MRO: variants seen among roughly 807,000 people sequenced by gnomAD.
MRO encodes protein maestro.
Under a neutral mutation model 31.0 loss-of-function variants are expected in MRO, and 28 were observed. The ratio of observed to expected loss-of-function variants is 0.90; its 90% CI spans 0.67 to 1.24. The LOEUF (loss-of-function observed/expected upper bound fraction) is 1.24. Among genes scored for constraint, MRO ranks in the 50% most tolerant of loss-of-function variants. The pLI is 0.00. For synonymous variants in MRO, 108 were observed against 108.4 expected, an observed-to-expected ratio of 1.00 and a Z score of 0.02; for missense variants, 332 against 289.2, an observed-to-expected ratio of 1.15 and a Z score of -1.07.
chr18:50,815,211 A>T, intron 2 of MRO: 1 of 200,214 alleles, frequency 5.0e-6, no homozygotes, highest in Non-Finnish European at 1.1e-5. Flanking sequence ...ATTGTGAAGT[A>T]AAAAGTGTCC....
intron 6 of MRO, among the ~76,000 whole-genome samples, chr18:50,801,121 C>T (rs535733639): frequency 2.6e-5 from 4 of 152,270 alleles, no homozygotes; most frequent in African/African-American, 9.6e-5. Context: ...GCTTATCTTG[C>T]ATTGACAGGT....
At chr18:50,815,423 T>C (rs745922763) in intron 2 of MRO, 2 of 246,474 alleles carry the variant, frequency 8.1e-6, no homozygotes, top group Non-Finnish European at 1.6e-5. Flanking sequence ...TAGAATGGAT[T>C]TGGAGGTGAT....
chr18:50,806,850 C>A lies in MRO; in HGVS notation c.100G>T (p.Val34Phe). 3 of 1,614,048 alleles carry A rather than the reference C, an allele frequency of 1.9e-6. No homozygotes were observed. The highest frequency in any genetic ancestry group is 1.3e-5 in the African/African-American group (1 of 75,020). Reference sequence around the variant, plus strand: ...TTCTGGAACCTCAGTTTCCAAGAGACCTGGGTGATGGGTCAAAAATGTATT... The same window carrying A: ...TTCTGGAACCTCAGTTTCCAAGAGAACTGGGTGATGGGTCAAAAATGTATT... ...RTSMISFFSK[V>F]SWKLRFQKRE... Residue 34 changes from valine to phenylalanine, a missense_variant and splice_region_variant, in exon 4 of 8, where the codon GTC becomes TTC. Transcript: ENST00000398439.
intron 2 of MRO, 113 bp from the exon 3 acceptor site, chr18:50,809,517 G>T: frequency 1.5e-6 from 1 of 661,092 alleles, no homozygotes; most frequent in Non-Finnish European, 2.5e-6. Flanking sequence ...CAATCCTGAG[G>T]CCTGTCTTTA....
rs558351698 is a variant in MRO at position 50,813,570 on chromosome 18, A to T, written c.-4-4166T>A. Among the ~76,000 whole-genome samples the T allele has an allele frequency of 1.1e-4, 17 of 152,354 alleles. No individual in the cohort carries two copies. The East Asian group carries it at 3.3e-3, about 29-fold the overall frequency. ...TATTTCTAACAAGCTCCCAGGGGAC[A>T]CTGGGATGTGGCTGGTTTGGTGACC... On this transcript the variant is annotated intron_variant, in intron 2 of 7. Transcript: ENST00000398439.
chr18:50,821,963 G>A (rs561293093), upstream of MRO, among the ~76,000 whole-genome samples: 3 of 152,258 alleles, frequency 2.0e-5, no homozygotes, highest in East Asian at 1.9e-4. Context: ...CAAAATCAAC[G>A]CATGATGCCC....
At chr18:50,813,373 A>G (rs1328577980) in intron 2 of MRO, among the ~76,000 whole-genome samples, 1 of 152,252 alleles carries the variant, frequency 6.6e-6, no homozygotes, top group Non-Finnish European at 1.5e-5. Context: ...GGCTGAACTG[A>G]GATTCTCTCT....
chr18:50,822,708 C>T (rs1245175312), upstream of MRO, among the ~76,000 whole-genome samples: 1 of 145,144 alleles, frequency 6.9e-6, no homozygotes, highest in Non-Finnish European at 1.5e-5. Context: ...CCGCCCCCCG[C>T]CCCCCAGCTA....
upstream of MRO, chr18:50,823,475 C>T (rs1268223633): frequency 6.6e-6 from 1 of 152,196 alleles, no homozygotes; most frequent in Admixed American, 6.5e-5. Context: ...TTATGCCTTC[C>T]ATTTTCTCTA....
At position 50,797,521 on chromosome 18, in the gene MRO, T is replaced by TA. The variant is rs1341031945; in HGVS notation, c.*1815dup. On this transcript the variant is annotated 3_prime_UTR_variant, in exon 8 of 8. Transcript: ENST00000398439. Reference sequence around the variant, plus strand: ...AAAATAAAAGCCTACCATTGAATCTTAAAGTCAAATAATCCAACCGCATCT... The same window carrying TA: ...AAAATAAAAGCCTACCATTGAATCTTAAAAGTCAAATAATCCAACCGCATCT... The TA allele has an allele frequency of 6.6e-6, 1 of 152,222 alleles. No homozygotes were observed. The highest frequency in any genetic ancestry group is 1.5e-5 in the Non-Finnish European group (1 of 68,060). The allele number at this position is 152,222 out of a possible 1,614,324, so 9.4% of individuals were successfully genotyped here. A position where few individuals can be genotyped will look rare whatever the true frequency, so the allele number is the denominator to read the frequency against.
rs1320509285 is a variant in MRO at position 50,798,997 on chromosome 18, A to T, written c.*340T>A. ...TAAGCCTCAGAAATTGAGTATTAAAAATAAAAGCTAGGTGACAGAGATGAA... is the reference window on the plus strand; with the variant it reads ...TAAGCCTCAGAAATTGAGTATTAAATATAAAAGCTAGGTGACAGAGATGAA... On this transcript the variant is annotated 3_prime_UTR_variant, in exon 8 of 8. Coordinates refer to ENST00000398439, the MANE Select transcript of MRO (RefSeq NM_031939.6). 5.3e-6 allele frequency: 1 copy of T among 187,922 alleles called. No homozygotes were observed. Among genetic ancestry groups the T allele is most frequent in the Non-Finnish European group, 1.1e-5 (1 of 91,544 alleles). 11.6% of individuals were successfully genotyped at this position (187,922 alleles called of 1,614,324 possible).
At chr18:50,818,972 G>C (rs911679869) in intron 2 of MRO, among the ~76,000 whole-genome samples, 1 of 151,904 alleles carries the variant, frequency 6.6e-6, no homozygotes, top group African/African-American at 2.4e-5. Context: ...AGAATCACTT[G>C]AACCCAGGAG....
chr18:50,812,343 G>A (rs930125911), intron 2 of MRO, among the ~76,000 whole-genome samples: 3 of 152,050 alleles, frequency 2.0e-5, no homozygotes, highest in Non-Finnish European at 4.4e-5. Context: ...CAAATCCTTT[G>A]CTCATTGTCA....
intron 2 of MRO, among the ~76,000 whole-genome samples, chr18:50,819,036 C>A (rs1459764791): frequency 1.3e-5 from 2 of 148,870 alleles, no homozygotes; most frequent in Non-Finnish European, 3.0e-5. Flanking sequence ...TTGGGCAACA[C>A]AACAAGACCC....
chr18:50,805,457 C>A, intron 4 of MRO, 121 bp from the exon 5 acceptor site: 1 of 730,600 alleles, frequency 1.4e-6, no homozygotes, highest in South Asian at 1.9e-5. Flanking sequence ...GGGCTTTTTT[C>A]AAGATCTGCA....
chr18:50,799,634 G>A (rs1185658633), intron 7 of MRO, among the ~76,000 whole-genome samples: 1 of 152,146 alleles, frequency 6.6e-6, no homozygotes, highest in Non-Finnish European at 1.5e-5. Context: ...GGCTTGGCCG[G>A]GCATGCTGAC....
chr18:50,809,569 A>G (rs1914290576), intron 2 of MRO, among the ~76,000 whole-genome samples, 165 bp from the exon 3 acceptor site: 1 of 152,150 alleles, frequency 6.6e-6, no homozygotes, highest in African/African-American at 2.4e-5. Flanking sequence ...CACACAGATG[A>G]ATAGCAACCC....
At position 50,811,746 on chromosome 18, in the gene MRO, C is replaced by CTTT. The variant is rs71171344; in HGVS notation, c.-4-2345_-4-2343dup. Among the ~76,000 whole-genome samples the CTTT allele has an allele frequency of 6.2e-3, 499 of 80,182 alleles. 4 individuals are homozygous for CTTT. The highest frequency in any genetic ancestry group is 0.028 in the Middle Eastern group (2 of 72). The allele number at this position is 80,182 out of a possible 152,430, so 52.6% of individuals were successfully genotyped here. ...AGAATTGCTGAGTCATGTGGTAATT[C>CTTT]TTTTTTTTTTTTTTTTTTTTTTTTT... is the stretch of plus-strand genomic sequence containing the variant. On this transcript the variant is annotated intron_variant, in intron 2 of 7. Transcript: ENST00000398439.
rs904871455 is a variant in MRO at position 50,796,010 on chromosome 18, C to G, written c.*3327G>C. ...GACACAGGGACCAAGCAAAGCTCTA[C>G]CCTGGGCACTTAGCATGAGGGTCGG... On this transcript the variant is annotated 3_prime_UTR_variant, in exon 8 of 8. Transcript: ENST00000398439. 6.6e-6 allele frequency: 1 copy of G among 152,146 alleles called. No homozygotes were observed. The highest frequency in any genetic ancestry group is 2.1e-4 in the South Asian group (1 of 4,820). The allele number at this position is 152,146 out of a possible 1,614,324, so 9.4% of individuals were successfully genotyped here. A position where few individuals can be genotyped will look rare whatever the true frequency, so the allele number is the denominator to read the frequency against.
Sources: gnomAD v4.1 joint callset for allele counts (sites outside exome capture counted in the v4.1 genomes callset) on GRCh38, gnomAD v4.1.1 for gene constraint, MANE v1.5 for transcripts, NCBI Gene and HGNC (gene_info 2026-07-23, HGNC 2026-07-21) for gene names.